Variants in CA1 observed in about 807,000 individuals in gnomAD.
The protein encoded by CA1 is carbonate dehydratase I.
A neutral mutation model predicts 28.8 loss-of-function variants in CA1; 27 were observed. The observed-to-expected ratio is 0.94, with a 90% confidence interval of 0.69 to 1.29. The LOEUF (loss-of-function observed/expected upper bound fraction) is 1.29, where lower values mean the gene tolerates loss of function less well. Among genes scored for constraint, CA1 ranks in the 50% most tolerant of loss-of-function variants. CA1 has a pLI of 0.00. For synonymous variants in CA1, 121 were observed against 108.8 expected, an observed-to-expected ratio of 1.11 and a Z score of -0.70; for missense variants, 335 against 310.5, an observed-to-expected ratio of 1.08 and a Z score of -0.59.
intron 1 of CA1, among the ~76,000 whole-genome samples, chr8:85,368,485 A>C (rs975581111): frequency 6.6e-6 from 1 of 151,942 alleles, no homozygotes; most frequent in Non-Finnish European, 1.5e-5. Context: ...AAATTTAAAA[A>C]TTCTACCTGT....
intron 1 of CA1, among the ~76,000 whole-genome samples, chr8:85,367,212 G>A (rs1475642435): frequency 2.0e-5 from 3 of 151,958 alleles, no homozygotes; most frequent in African/African-American, 7.2e-5. Flanking sequence ...GGAAAAGAAC[G>A]ATTTCTATAG....
intron 1 of CA1, among the ~76,000 whole-genome samples, chr8:85,371,410 G>A (rs977937425): frequency 1.1e-5 from 1 of 93,828 alleles, no homozygotes; most frequent in Non-Finnish European, 2.0e-5. Context: ...ATATTCTCAG[G>A]TGTGTGTGCG....
chr8:85,341,492 C>A, intron 2 of CA1, 107 bp downstream of exon 2: 1 of 770,028 alleles, frequency 1.3e-6, no homozygotes, highest in South Asian at 1.5e-5. Flanking sequence ...GCAGACAGTT[C>A]AACAATTAAC....
chr8:85,358,861 A>C (rs1809696585), intron 1 of CA1, among the ~76,000 whole-genome samples: 1 of 152,228 alleles, frequency 6.6e-6, no homozygotes, highest in Admixed American at 6.5e-5. Flanking sequence ...GTCCCAGCTG[A>C]AATTCAGCCA....
chr8:85,344,310 A>ACAG (rs1564029814), intron 1 of CA1, among the ~76,000 whole-genome samples: 31 of 21,740 alleles, frequency 1.4e-3, no homozygotes, highest in African/African-American at 3.9e-3. Flanking sequence ...ATAATTATAT[A>ACAG]TTATACAGTA....
chr8:85,375,094 C>T (rs1334623949), intron 1 of CA1, among the ~76,000 whole-genome samples: 1 of 152,162 alleles, frequency 6.6e-6, no homozygotes, highest in African/African-American at 2.4e-5. Flanking sequence ...CTTCTGGGAT[C>T]TTGGAAGTAA....
intron 1 of CA1, among the ~76,000 whole-genome samples, chr8:85,359,806 T>G (rs1248551492): frequency 6.6e-6 from 1 of 152,206 alleles, no homozygotes; most frequent in African/African-American, 2.4e-5. Context: ...TGGGCATGTA[T>G]CTTATCTCTG....
intron 1 of CA1, among the ~76,000 whole-genome samples, chr8:85,375,843 A>G (rs1351482544): frequency 2.0e-5 from 3 of 152,212 alleles, no homozygotes; most frequent in Non-Finnish European, 2.9e-5. Flanking sequence ...ATTCTGAGAT[A>G]CAGTATTCAG....
At chr8:85,377,489 A>G (rs1055298820) in intron 1 of CA1, among the ~76,000 whole-genome samples, 7 of 152,218 alleles carry the variant, frequency 4.6e-5, no homozygotes, top group Non-Finnish European at 7.3e-5. Context: ...ATTGAACATT[A>G]GTCATGGAAT....
rs115469115 is a variant in CA1, at chr8:85,345,221, C to T, written c.-24-3562G>A. On this transcript the variant is annotated intron_variant, in intron 1 of 7. Coordinates refer to ENST00000523022, the MANE Select transcript of CA1 (RefSeq NM_001128831.4). ...TGTTTGTATTTGTCTCCATCCATACCGAGCTTGTTCCCATTTTAGGACCTT... is the reference window on the plus strand; with the variant it reads ...TGTTTGTATTTGTCTCCATCCATACTGAGCTTGTTCCCATTTTAGGACCTT... Among the ~76,000 whole-genome samples, 677 of 152,230 alleles carry T rather than the reference C, an allele frequency of 4.4e-3. 8 individuals carry two copies. The highest frequency in any genetic ancestry group is 0.015 in the African/African-American group (634 of 41,542).
intron 1 of CA1, among the ~76,000 whole-genome samples, chr8:85,359,248 T>A (rs1809707956): frequency 6.6e-6 from 1 of 152,184 alleles, no homozygotes; most frequent in South Asian, 2.1e-4. Context: ...AAGTGCCTTT[T>A]AAAAATAGCT....
At chr8:85,331,030 A>G (rs1243296761) in intron 6 of CA1, among the ~76,000 whole-genome samples, 1 of 152,158 alleles carries the variant, frequency 6.6e-6, no homozygotes, top group Non-Finnish European at 1.5e-5. Context: ...TAACACTGGC[A>G]TGATTGTTTC....
chr8:85,332,535 T>C lies in CA1; in HGVS notation c.468A>G (p.Pro156=). ...GVLMKVGEAN[P]KLQKVLDALQ... ...GGGCATCAAGTACTTTCTGCAGCTT[T>C]GGGTTGGCCTCACCAACCTGGAGAT... Residue 156 remains proline, a synonymous_variant, in exon 6 of 8, where the codon CCA becomes CCG. Coordinates refer to ENST00000523022, the MANE Select transcript of CA1 (RefSeq NM_001128831.4). 1 of 1,613,138 alleles carries C rather than the reference T, an allele frequency of 6.2e-7. No homozygotes were observed. Among genetic ancestry groups the C allele is most frequent in the Non-Finnish European group, 8.5e-7 (1 of 1,179,326 alleles).
chr8:85,355,616 G>C (rs944944871), intron 1 of CA1, among the ~76,000 whole-genome samples: 12 of 144,024 alleles, frequency 8.3e-5, no homozygotes, highest in African/African-American at 3.1e-4. Context: ...GCTCAGGCTG[G>C]TCTTGAACTC....
chr8:85,357,786 T>A (rs1444998745), intron 1 of CA1, among the ~76,000 whole-genome samples: 1 of 152,028 alleles, frequency 6.6e-6, no homozygotes, highest in Non-Finnish European at 1.5e-5. Flanking sequence ...ACCCCTGAAA[T>A]GAAACCCCCA....
chr8:85,329,886 C>G (rs1161131293), intron 6 of CA1, 42 bp from the exon 7 acceptor site: 1 of 1,437,754 alleles, frequency 7.0e-7, no homozygotes, highest in Non-Finnish European at 9.6e-7. Context: ...ATATAAAATA[C>G]TTATATGAAT....
At chr8:85,359,226 A>G (rs1809707316) in intron 1 of CA1, among the ~76,000 whole-genome samples, 2 of 152,230 alleles carry the variant, frequency 1.3e-5, no homozygotes, top group Non-Finnish European at 1.5e-5. Flanking sequence ...TTCAGAAGCC[A>G]AGGTAGAGAG....
At chr8:85,356,406 A>AATT (rs1368428084) in intron 1 of CA1, among the ~76,000 whole-genome samples, 1 of 152,102 alleles carries the variant, frequency 6.6e-6, no homozygotes, top group East Asian at 1.9e-4. Context: ...TAATGATAAT[A>AATT]ATTATTATTA....
intron 2 of CA1, among the ~76,000 whole-genome samples, chr8:85,340,384 AC>A (rs1448380058): frequency 6.6e-6 from 1 of 152,202 alleles, no homozygotes; most frequent in Non-Finnish European, 1.5e-5. Context: ...TTTCAAGCCC[AC>A]TGTTGAGCTC....
Sources: gnomAD v4.1 joint callset for allele counts (sites outside exome capture counted in the v4.1 genomes callset) on GRCh38, gnomAD v4.1.1 for gene constraint, MANE v1.5 for transcripts, NCBI Gene and HGNC (gene_info 2026-07-23, HGNC 2026-07-21) for gene names.